The following CPAMD8 variants were observed in gnomAD, a reference collection of about 807,000 sequenced individuals.
CPAMD8 encodes the protein C3 and PZP-like alpha-2-macroglobulin domain-containing protein 8.
CPAMD8 carries 146 observed loss-of-function variants against 224.7 expected under a neutral mutation model. The observed-to-expected ratio is 0.65, with a 90% confidence interval of 0.57 to 0.75. CPAMD8 has a LOEUF of 0.75. CPAMD8 is among the 30% of genes least tolerant of loss of function. The probability of loss-of-function intolerance (pLI) is 0.00; values close to 1 mark genes in which losing one functional copy is unlikely to be tolerated. For missense variants in CPAMD8, 2,301 were observed against 2,537.5 expected (o/e 0.91, Z 2.00); for synonymous variants, 966 against 1,044.6 (o/e 0.92, Z 1.45).
intron 27 of CPAMD8, among the ~76,000 whole-genome samples, chr19:16,919,457 C>T (rs1008018601): frequency 9.2e-5 from 14 of 152,294 alleles, no homozygotes; most frequent in Admixed American, 2.6e-4. Flanking sequence ...CTTCCAGCCC[C>T]AGTAGAGCCT....
chr19:16,943,004 CTTTTTTCT>C (rs2053953051), intron 22 of CPAMD8, among the ~76,000 whole-genome samples: 1 of 134,226 alleles, frequency 7.5e-6, no homozygotes, highest in African/African-American at 3.0e-5. Context: ...TTTCTTTTTT[CTTTTTTCT>C]TTTTTTTTTT....
intron 19 of CPAMD8, chr19:16,957,635 G>T: frequency 1.7e-6 from 1 of 583,878 alleles, no homozygotes; most frequent in Non-Finnish European, 3.1e-6. Flanking sequence ...GAGGCACAAA[G>T]CCCTTGCATT....
rs1394642420 is a variant in CPAMD8 at position 16,938,377 on chromosome 19, T to C, written c.2845+18A>G. On this transcript the variant is annotated intron_variant, in intron 23 of 41. Coordinates refer to ENST00000443236, the MANE Select transcript of CPAMD8 (RefSeq NM_015692.5). ...GCCAGGTGGCCACACCTTAGCAGAA[T>C]GGGCACGGGGGACTCACCACTGGGA... 2 of 1,498,932 alleles carry C rather than the reference T, an allele frequency of 1.3e-6. No homozygotes were observed. The highest frequency in any genetic ancestry group is 1.8e-6 in the Non-Finnish European group (2 of 1,114,262). The allele number at this position is 1,498,932 out of a possible 1,614,324, so 92.9% of individuals were successfully genotyped here.
At chr19:16,979,317 T>G (rs2055407209) in intron 14 of CPAMD8, among the ~76,000 whole-genome samples, 2 of 151,340 alleles carry the variant, frequency 1.3e-5, no homozygotes. Context: ...TATTCATCCA[T>G]CCATCTATTC....
intron 28 of CPAMD8, 70 bp downstream of exon 28, chr19:16,914,587 C>A: frequency 6.2e-7 from 1 of 1,611,822 alleles, no homozygotes; most frequent in Non-Finnish European, 8.5e-7. Context: ...GGAGTAGGAA[C>A]AGGCAGGTCA....
chr19:16,946,691 GGT>G (rs1399435528), intron 21 of CPAMD8, among the ~76,000 whole-genome samples: 90 of 145,790 alleles, frequency 6.2e-4, no homozygotes, highest in African/African-American at 2.1e-3. Flanking sequence ...TCTACACGTG[GGT>G]GTGTGTGTGG....
intron 7 of CPAMD8, among the ~76,000 whole-genome samples, chr19:17,006,413 C>T (rs1396494186): frequency 6.6e-6 from 1 of 151,938 alleles, no homozygotes; most frequent in Non-Finnish European, 1.5e-5. Context: ...GTCCCACCTA[C>T]TTGGGAGGCT....
intron 18 of CPAMD8, among the ~76,000 whole-genome samples, chr19:16,967,445 T>G (rs2054866904): frequency 6.6e-6 from 1 of 152,014 alleles, no homozygotes; most frequent in Non-Finnish European, 1.5e-5. Flanking sequence ...CTATCAAACT[T>G]GCACATTGTG....
Position 16,897,585 on chromosome 19 carries a change from G to A in CPAMD8, c.5065+106C>T, listed in dbSNP as rs539390585. 7.7e-4 allele frequency: 484 copies of A among 629,318 alleles called. 6 individuals are homozygous for A. In the South Asian group the frequency reaches 7.7e-3, roughly 10 times the overall value. The allele number at this position is 629,318 out of a possible 1,614,324, so 39.0% of individuals were successfully genotyped here. A position where few individuals can be genotyped will look rare whatever the true frequency, so the allele number is the denominator to read the frequency against. ...GCTGCGTTCTCCTGACTTTACGTTG[G>A]CCCCTCCTCTGCCAAGCCCCCAGGG... On this transcript the variant is annotated intron_variant, in intron 39 of 41. Coordinates refer to ENST00000443236, the MANE Select transcript of CPAMD8 (RefSeq NM_015692.5).
At chr19:16,907,929 G>A (rs2052587244) in intron 29 of CPAMD8, among the ~76,000 whole-genome samples, 1 of 152,092 alleles carries the variant, frequency 6.6e-6, no homozygotes, top group South Asian at 2.1e-4. Flanking sequence ...CTTGTAAGTT[G>A]GCACTCCTTT....
intron 26 of CPAMD8, among the ~76,000 whole-genome samples, chr19:16,924,342 C>T (rs1454188343): frequency 2.6e-5 from 4 of 152,036 alleles, no homozygotes; most frequent in African/African-American, 4.8e-5. Context: ...CCGGCTGTCC[C>T]CTGGAGGTAC....
At chr19:17,016,888 C>CTT (rs780842036) in intron 3 of CPAMD8, among the ~76,000 whole-genome samples, 1 of 143,372 alleles carries the variant, frequency 7.0e-6, no homozygotes, top group Admixed American at 7.0e-5. Flanking sequence ...GTTCTAGGGT[C>CTT]TTTTTTTTTT....
chr19:16,952,066 G>C lies in CPAMD8; in HGVS notation c.2411C>G (p.Pro804Arg), dbSNP rs1193990857. The change falls in exon 20 of 42, where the codon CCC becomes CGC. Residue 804 changes from proline to arginine, a missense_variant. Pro to Arg is a moderately radical substitution (Grantham distance 103, BLOSUM62 -2). Around this residue, in one of 4 missense-constraint regions of CPAMD8, gnomAD observed 1,709 missense variants for 1,753.2 expected, o/e 0.97. Transcript: ENST00000443236. ...AEPSLLKTFK[P>R]FFVDFMLPAL... ...GGGGAGCATGAAGTCCACGAAGAAG[G>C]GCTTGAAGGTCTTCAGCAGGGAGGG... The C allele has an allele frequency of 6.4e-7, 1 of 1,571,314 alleles. No individual in the cohort carries two copies. The highest frequency in any genetic ancestry group is 8.6e-7 in the Non-Finnish European group (1 of 1,156,624).
chr19:16,904,187 C>CCCCCCCCCCCCCCCCCCCCA, intron 32 of CPAMD8, 39 bp downstream of exon 32: 1 of 1,399,750 alleles, frequency 7.1e-7, no homozygotes, highest in Non-Finnish European at 9.9e-7. Flanking sequence ...CCCCACCCAC[C>CCCCCCCCCCCCCCCCCCCCA]CAGCCCTGAG....
intron 19 of CPAMD8, among the ~76,000 whole-genome samples, chr19:16,953,596 G>A (rs2054366753): frequency 6.6e-6 from 1 of 151,140 alleles, no homozygotes; most frequent in South Asian, 2.1e-4. Context: ...AGCTACTTGG[G>A]AGGCTGAGGT....
At position 16,947,366 on chromosome 19, in the gene CPAMD8, G is replaced by A; in HGVS notation, c.2509-139C>T. On this transcript the variant is annotated intron_variant, in intron 20 of 41. Transcript: ENST00000443236. ...AAAGAGCCATGCTCCCCCCGGGAAG[G>A]TCCCCTTTCCATTTCCGATCAGAAC... 3 of 1,082,074 alleles carry A rather than the reference G, an allele frequency of 2.8e-6. No homozygotes were observed. The South Asian group carries it at 4.8e-5, about 17-fold the overall frequency. 67.0% of individuals were successfully genotyped at this position (1,082,074 alleles called of 1,614,324 possible).
rs1396935433 is a variant in CPAMD8 at position 16,929,140 on chromosome 19, A to T, written c.2946T>A (p.Asp982Glu). Residue 982 changes from aspartate to glutamate, a missense_variant, in exon 24 of 42, where the codon GAT (aspartate) becomes GAA (glutamate). By Grantham distance (45) the Asp-to-Glu change is conservative. This residue lies in a region of CPAMD8 where 1,709 missense variants were observed against 1,753.2 expected (regional missense o/e 0.97). Coordinates refer to ENST00000443236, the MANE Select transcript of CPAMD8 (RefSeq NM_015692.5). Reference protein sequence around the residue: ...RFDVAVRAHNDARVALSSGPQ... With the variant: ...RFDVAVRAHNEARVALSSGPQ... ...GCCCAGAAGACAAGGCCACACGGGC[A>T]TCATTGTGAGCTCGCACAGCCACAT... is the stretch of plus-strand genomic sequence containing the variant. 6.2e-7 allele frequency: 1 copy of T among 1,614,160 alleles called. No homozygotes were observed. The highest frequency in any genetic ancestry group is 2.2e-5 in the East Asian group (1 of 44,894).
chr19:16,969,172 T>C (rs1229592731), intron 18 of CPAMD8, among the ~76,000 whole-genome samples: 1 of 152,218 alleles, frequency 6.6e-6, no homozygotes, highest in Non-Finnish European at 1.5e-5. Flanking sequence ...TCAGCTCTCC[T>C]GATTCATTTT....
chr19:17,019,185 G>A (rs1007682158), intron 3 of CPAMD8, among the ~76,000 whole-genome samples: 1 of 152,118 alleles, frequency 6.6e-6, no homozygotes, highest in African/African-American at 2.4e-5. Flanking sequence ...GTGAAGTGGT[G>A]AGATCTTGGC....
Sources: gnomAD v4.1 joint callset for allele counts (sites outside exome capture counted in the v4.1 genomes callset) on GRCh38, gnomAD v4.1.1 for gene constraint, gnomAD v4.1.1 regional missense constraint, MANE v1.5 for transcripts, NCBI Gene and HGNC (gene_info 2026-07-23, HGNC 2026-07-21) for gene names.